Variants in ADGRG4 observed in about 807,000 individuals in gnomAD.
The protein encoded by ADGRG4 is adhesion G protein-coupled receptor G4, also known as G protein-coupled receptor 112.
Under a neutral mutation model 126.2 loss-of-function variants are expected in ADGRG4, and 122 were observed. The observed-to-expected ratio is 0.97, with a 90% confidence interval of 0.83 to 1.12. The LOEUF (loss-of-function observed/expected upper bound fraction) is 1.12, where lower values mean the gene tolerates loss of function less well. ADGRG4 is among the 50% of genes most tolerant of loss of function. ADGRG4 has a pLI of 0.00. For synonymous variants in ADGRG4, 943 were observed against 838.7 expected, an observed-to-expected ratio of 1.12 and a Z score of -2.15; for missense variants, 2,481 against 2,251.8, an observed-to-expected ratio of 1.10 and a Z score of -2.06.
At chrX:136,414,902 C>T (rs767123211) in intron 25 of ADGRG4, among the ~76,000 whole-genome samples, 5 of 112,227 alleles carry the variant, frequency 4.5e-5, no homozygotes, top group Non-Finnish European at 9.4e-5. Flanking sequence ...CATAGGAAGC[C>T]ATATTTCTAA....
At chrX:136,364,143 A>AT (rs962957223) in intron 13 of ADGRG4, among the ~76,000 whole-genome samples, 105 of 109,421 alleles carry the variant, frequency 9.6e-4, no homozygotes, top group African/African-American at 3.4e-3. Context: ...TATTGTTTTT[A>AT]TTTTTTTTTA....
chrX:136,397,038 C>T (rs907518482), intron 19 of ADGRG4, among the ~76,000 whole-genome samples: 4 of 111,002 alleles, frequency 3.6e-5, no homozygotes, highest in African/African-American at 1.3e-4. Context: ...ATCTGTCCAC[C>T]TCAGCCTCCC....
intron 5 of ADGRG4, among the ~76,000 whole-genome samples, chrX:136,344,121 C>T (rs751032360): frequency 9.0e-6 from 1 of 111,716 alleles, no homozygotes; most frequent in South Asian, 3.7e-4. Context: ...ACTACTGTGG[C>T]ATGCATCCCT....
At chrX:136,332,138 G>A (rs866563343) in intron 5 of ADGRG4, among the ~76,000 whole-genome samples, 12 of 105,278 alleles carry the variant, frequency 1.1e-4, no homozygotes, top group East Asian at 3.0e-4. Context: ...TATATCTCCC[G>A]ATGCTATCCC....
At chrX:136,361,972 T>C (rs1039620241) in intron 12 of ADGRG4, among the ~76,000 whole-genome samples, 1 of 112,308 alleles carries the variant, frequency 8.9e-6, no homozygotes, top group Non-Finnish European at 1.9e-5. Flanking sequence ...AATTTACCAT[T>C]TCATTCAATG....
At chrX:136,412,893 A>G (rs911013463) in intron 24 of ADGRG4, among the ~76,000 whole-genome samples, 2 of 111,660 alleles carry the variant, frequency 1.8e-5, no homozygotes, top group African/African-American at 6.5e-5. Context: ...TTTCCACTGC[A>G]GGCAAACTGC....
At position 136,403,443 on chromosome X, in the gene ADGRG4, C is replaced by A. The variant is rs1014514510; in HGVS notation, c.8654+121C>A. ...CTTCAGGAAGAAATCAACCTAAGTC[C>A]TTTTGCCCTAAACATAGGCCACATT... is the stretch of plus-strand genomic sequence containing the variant. On this transcript the variant is annotated intron_variant, in intron 22 of 25. Transcript: ENST00000394143. The A allele has an allele frequency of 5.8e-6, 3 of 515,736 alleles. No homozygotes were observed. The African/African-American group carries it at 7.0e-5, about 12-fold the overall frequency. The allele number at this position is 515,736 out of a possible 1,213,427, so 42.5% of individuals were successfully genotyped here.
At chrX:136,377,365 T>C (rs774498286) in intron 15 of ADGRG4, among the ~76,000 whole-genome samples, 43 of 108,806 alleles carry the variant, frequency 4.0e-4, no homozygotes, top group Non-Finnish European at 6.5e-4. Context: ...ACTGATTTTT[T>C]AATTTTTTGT....
intron 4 of ADGRG4, among the ~76,000 whole-genome samples, chrX:136,319,889 T>C (rs1308721059): frequency 8.9e-6 from 1 of 111,911 alleles, no homozygotes; most frequent in Non-Finnish European, 1.9e-5. Context: ...GTTTAAAACA[T>C]GCAAATATGC....
At position 136,371,634 on chromosome X, in the gene ADGRG4, A is replaced by G. The variant is rs761939645; in HGVS notation, c.7613+90A>G. On this transcript the variant is annotated intron_variant, in intron 14 of 25. Transcript: ENST00000394143. The stretch of plus-strand genomic sequence containing the variant: ...GTATCTGTGCATTCTGCATTTGTCA[A>G]TTCAAACAACCATAGATTGAAAATA... 2,130 of 491,957 alleles carry G rather than the reference A, an allele frequency of 4.3e-3. 11 individuals carry two copies. The highest frequency in any genetic ancestry group is 9.4e-3 in the Middle Eastern group (15 of 1,599). The allele number at this position is 491,957 out of a possible 1,213,427, so 40.5% of individuals were successfully genotyped here. A position where few individuals can be genotyped will look rare whatever the true frequency, so the allele number is the denominator to read the frequency against.
Position 136,346,698 on chromosome X carries a change from C to T in ADGRG4, c.2992C>T (p.Gln998Ter), listed in dbSNP as rs1365211687. 2.5e-6 allele frequency: 3 copies of T among 1,208,835 alleles called. No individual in the cohort carries two copies. Among genetic ancestry groups the T allele is most frequent in the Non-Finnish European group, 3.4e-6 (3 of 894,554 alleles). The change falls in exon 6 of 26, where the codon CAG becomes TAG. Residue 998 changes from glutamine (Q) to a stop codon, truncating the protein, a stop_gained. Transcript: ENST00000394143. LOFTEE classifies it high-confidence loss of function. Reference sequence around the variant, plus strand: ...CTTGTCTGATGGTATCTTACCTCCACAGCCTACAGCTGCTCATTCCTCAGC... The same window carrying T: ...CTTGTCTGATGGTATCTTACCTCCATAGCCTACAGCTGCTCATTCCTCAGC... ...TSLSDGILPP[Q>*]PTAAHSSATP...
rs141102261 is a variant in ADGRG4 at position 136,350,024 on chromosome X, G to T, written c.6318G>T (p.Glu2106Asp). 6.4e-5 allele frequency: 77 copies of T among 1,208,760 alleles called. No homozygotes were observed. In the African/African-American group the frequency reaches 1.1e-3, roughly 17 times the overall value. ...TTGTGTACATTTCCACACACCCTGAGGCATCCTCCAGAACCACAATAACTG... is the reference window on the plus strand; with the variant it reads ...TTGTGTACATTTCCACACACCCTGATGCATCCTCCAGAACCACAATAACTG... ...DDIVYISTHP[E>D]ASSRTTITAN... The change falls in exon 6 of 26, where the codon GAG (glutamate) becomes GAT (aspartate). Residue 2106 changes from glutamate to aspartate, a missense_variant. Glu to Asp is a conservative substitution (Grantham distance 45). Transcript: ENST00000394143.
chrX:136,375,581 G>T (rs1395723926), intron 15 of ADGRG4, among the ~76,000 whole-genome samples: 1 of 111,900 alleles, frequency 8.9e-6, no homozygotes. Flanking sequence ...GGCCATTCTT[G>T]CAGGAGTAAG....
At chrX:136,413,810 G>A (rs1299887109) in intron 24 of ADGRG4, among the ~76,000 whole-genome samples, 2 of 107,098 alleles carry the variant, frequency 1.9e-5, no homozygotes, top group East Asian at 2.9e-4. Flanking sequence ...GTGCCATCTC[G>A]GCTCACCGCA....
chrX:136,403,315 A>G lies in ADGRG4; in HGVS notation c.8647A>G (p.Thr2883Ala), dbSNP rs2075389189. The change falls in exon 22 of 26, where the codon ACT becomes GCT. Residue 2883 changes from threonine (T) to alanine (A), a missense_variant. By Grantham distance (58) the Thr-to-Ala change is moderately conservative. Coordinates refer to ENST00000394143, the MANE Select transcript of ADGRG4 (RefSeq NM_153834.4). The stretch of plus-strand genomic sequence containing the variant: ...TCTGTATGGAACTCTGAGCCCAACA[A>G]CTCCGTTGTAAGTACCAGCATCTCT... ...KDLYGTLSPTTPFCWIKDDSI... is the reference protein window; with the variant it reads ...KDLYGTLSPTAPFCWIKDDSI... 2 of 1,191,674 alleles carry G rather than the reference A, an allele frequency of 1.7e-6. No homozygotes were observed. The highest frequency in any genetic ancestry group is 2.3e-6 in the Non-Finnish European group (2 of 879,424).
In ADGRG4 at chrX:136,392,341, T is replaced by C. The variant is rs771829679; in HGVS notation, c.8021T>C (p.Ile2674Thr). 1 of 1,166,472 alleles carries C rather than the reference T, an allele frequency of 8.6e-7. No individual in the cohort carries two copies. The highest frequency in any genetic ancestry group is 1.2e-6 in the Non-Finnish European group (1 of 868,726). ...ADPVVITLQH[I>T]GGNQNYGQVH... ...CCAGTGGTTATCACTCTGCAGCATA[T>C]TGGAGGAAACCAGGTAATATATCTA... The change falls in exon 17 of 26, where the codon ATT (isoleucine) becomes ACT (threonine). Residue 2674 changes from isoleucine to threonine, a missense_variant. Ile to Thr is a moderately conservative substitution (Grantham distance 89, BLOSUM62 -1). Coordinates refer to ENST00000394143, the MANE Select transcript of ADGRG4 (RefSeq NM_153834.4).
At chrX:136,399,746 AT>A in intron 20 of ADGRG4, 101 bp from the exon 21 acceptor site, 1 of 719,411 alleles carries the variant, frequency 1.4e-6, no homozygotes, top group African/African-American at 2.2e-5. Context: ...AAGATGAGTA[AT>A]TCTTTTATTC....
In ADGRG4 at chrX:136,349,942, G is replaced by C. The variant is rs151076999; in HGVS notation, c.6236G>C (p.Gly2079Ala). 1.3e-4 allele frequency: 163 copies of C among 1,208,585 alleles called. 1 individual carries two copies. In the African/African-American group the frequency reaches 2.3e-3, roughly 17 times the overall value. ...TRTIPTPTLG[G>A]ITTGFPTSLP... The stretch of plus-strand genomic sequence containing the variant: ...ACCATTCCTACACCTACACTGGGTG[G>C]TATCACTACTGGCTTCCCAACTTCT... The change falls in exon 6 of 26, where the codon GGT becomes GCT. Residue 2079 changes from glycine (G) to alanine (A), a missense_variant. Gly to Ala is a moderately conservative substitution (Grantham distance 60). Coordinates refer to ENST00000394143, the MANE Select transcript of ADGRG4 (RefSeq NM_153834.4).
intron 5 of ADGRG4, among the ~76,000 whole-genome samples, chrX:136,334,547 G>A (rs1253982101): frequency 1.8e-5 from 2 of 112,020 alleles, no homozygotes; most frequent in African/African-American, 3.2e-5. Flanking sequence ...GAGAGCTGAC[G>A]TCTTTACTAT....
Sources: allele counts gnomAD v4.1 joint callset (sites outside exome capture counted in the v4.1 genomes callset), GRCh38; gene constraint gnomAD v4.1.1; transcripts MANE v1.5; gene names NCBI Gene and HGNC (gene_info 2026-07-23, HGNC 2026-07-21).